The following HNRNPM variants were observed in gnomAD, a reference collection of about 807,000 sequenced individuals.
HNRNPM encodes the protein CEA receptor.
HNRNPM carries 11 observed loss-of-function variants against 73.1 expected under a neutral mutation model. That is an observed-to-expected ratio of 0.15 (90% confidence interval 0.09 to 0.25). The LOEUF (loss-of-function observed/expected upper bound fraction) is 0.25, where lower values mean the gene tolerates loss of function less well. HNRNPM is among the 10% of genes least tolerant of loss of function. HNRNPM has a pLI of 1.00. For missense variants in HNRNPM, 789 were observed against 1,067.9 expected, an observed-to-expected ratio of 0.74 and a Z score of 3.64; for synonymous variants, 407 against 355.2, an observed-to-expected ratio of 1.15 and a Z score of -1.64.
intron 5 of HNRNPM, 41 bp from the exon 6 acceptor site, chr19:8,465,283 A>T: frequency 6.6e-7 from 1 of 1,508,356 alleles, no homozygotes; most frequent in Non-Finnish European, 9.0e-7. Flanking sequence ...TTTGCGTTGT[A>T]CTGGGTCAGT....
intron 9 of HNRNPM, among the ~76,000 whole-genome samples, chr19:8,470,498 T>G (rs7507730): frequency 0.86 from 127,641 of 148,006 alleles, 57,056 homozygotes; most frequent in South Asian, 0.99. Context: ...GCTAATTTTT[T>G]TTTTTTTTTA....
intron 12 of HNRNPM, 93 bp downstream of exon 12, chr19:8,474,337 GT>G: frequency 1.4e-6 from 1 of 725,670 alleles, no homozygotes; most frequent in Non-Finnish European, 2.2e-6. Context: ...TGAATAAGTG[GT>G]TTCTCACTTC....
At chr19:8,465,194 T>C (rs1192349659) in intron 5 of HNRNPM, 130 bp from the exon 6 acceptor site, 2 of 719,952 alleles carry the variant, frequency 2.8e-6, no homozygotes, top group East Asian at 5.6e-5. Context: ...GACTTTCTTG[T>C]TAATAGATTT....
chr19:8,454,797 TCTC>T lies in HNRNPM; in HGVS notation c.114-605_114-603del, dbSNP rs376625671. Reference sequence around the variant, plus strand: ...GAAGTCTTAGAAATCATCCCTCTCTTCTCCTGTTTCTGTCTTGGAATTAACACA... The same window carrying T: ...GAAGTCTTAGAAATCATCCCTCTCTTCTGTTTCTGTCTTGGAATTAACACA... On this transcript the variant is annotated intron_variant, in intron 1 of 15. Coordinates refer to ENST00000325495, the MANE Select transcript of HNRNPM (RefSeq NM_005968.5). Among the ~76,000 whole-genome samples, 9 of 151,512 alleles carry T rather than the reference TCTC, an allele frequency of 5.9e-5. No homozygotes were observed. In the East Asian group the frequency reaches 1.6e-3, roughly 26 times the overall value.
At chr19:8,465,702 G>A (rs897150903) in intron 6 of HNRNPM, among the ~76,000 whole-genome samples, 187 bp downstream of exon 6, 2 of 152,172 alleles carry the variant, frequency 1.3e-5, no homozygotes, top group Admixed American at 1.3e-4. Context: ...AGGCTTGACC[G>A]TGGTCTCGTT....
intron 9 of HNRNPM, among the ~76,000 whole-genome samples, chr19:8,470,850 T>G (rs898632716): frequency 6.6e-6 from 1 of 152,110 alleles, no homozygotes; most frequent in Non-Finnish European, 1.5e-5. Context: ...AATACATACA[T>G]TAGCTTCATT....
intron 2 of HNRNPM, among the ~76,000 whole-genome samples, chr19:8,460,550 C>T (rs58318268): frequency 0.011 from 1,633 of 152,248 alleles, 21 homozygotes; most frequent in African/African-American, 0.037. Context: ...TAGACTGTTA[C>T]GTGGAAAAAG....
chr19:8,485,969 GCGTGGAGCGCATGGGCCCTGC>G lies in HNRNPM; in HGVS notation c.1543_1563del (p.Val515_Ala521del). On this transcript the variant is annotated inframe_deletion, in exon 14 of 16. Transcript: ENST00000325495. ...CAGACCATTGAGCGCATGGGCTCTG[GCGTGGAGCGCATGGGCCCTGC>G]CATCGAGCGCATGGGCCTGAGCATG... 1.2e-6 allele frequency: 2 copies of G among 1,606,198 alleles called. No individual in the cohort carries two copies. Among genetic ancestry groups the G allele is most frequent in the Non-Finnish European group, 1.7e-6 (2 of 1,179,276 alleles).
chr19:8,479,472 G>A (rs553334741), intron 12 of HNRNPM, among the ~76,000 whole-genome samples: 2 of 152,148 alleles, frequency 1.3e-5, no homozygotes, highest in African/African-American at 4.8e-5. Flanking sequence ...CATCAGAGGG[G>A]CAAGATTCTT....
In HNRNPM at chr19:8,462,735, G is replaced by T. The variant is rs1201269284; in HGVS notation, c.336+154G>T. The stretch of plus-strand genomic sequence containing the variant: ...CAAACATTTGAGTGGGGTGGGAGGG[G>T]ATTTGCAAATGGGAGTCCCGCTTTT... On this transcript the variant is annotated intron_variant, in intron 3 of 15. Coordinates refer to ENST00000325495, the MANE Select transcript of HNRNPM (RefSeq NM_005968.5). This position sits in a 1 kb window ranked among gnomAD's most constrained non-coding sequence, Gnocchi z 4.5. 11 of 698,498 alleles carry T rather than the reference G, an allele frequency of 1.6e-5. No individual in the cohort carries two copies. The highest frequency in any genetic ancestry group is 2.5e-5 in the Non-Finnish European group (10 of 392,326). The allele number at this position is 698,498 out of a possible 1,614,324, so 43.3% of individuals were successfully genotyped here.
intron 10 of HNRNPM, among the ~76,000 whole-genome samples, chr19:8,472,137 C>T (rs977622421): frequency 2.8e-5 from 4 of 143,698 alleles, no homozygotes; most frequent in African/African-American, 5.2e-5. Context: ...CATGACTGCA[C>T]TTCAGCCTGG....
chr19:8,485,661 C>A lies in HNRNPM; in HGVS notation c.1233C>A (p.Leu411=). ...GGATGGGTCCTGGCATTGACCGCCTCGGGGGTGCCGGCATGGAGCGCATGG... is the reference window on the plus strand; with the variant it reads ...GGATGGGTCCTGGCATTGACCGCCTAGGGGGTGCCGGCATGGAGCGCATGG... ...IERMGPGIDR[L]GGAGMERMGA... Residue 411 remains leucine, a synonymous_variant, in exon 14 of 16, where the codon CTC becomes CTA. Transcript: ENST00000325495. 6.2e-7 allele frequency: 1 copy of A among 1,607,962 alleles called. No individual in the cohort carries two copies.
At chr19:8,475,189 G>A (rs1970416592) in intron 12 of HNRNPM, among the ~76,000 whole-genome samples, 1 of 152,236 alleles carries the variant, frequency 6.6e-6, no homozygotes, top group Non-Finnish European at 1.5e-5. Context: ...GTGCCTGCAT[G>A]TGAACCCAGG....
At chr19:8,483,099 C>T in intron 12 of HNRNPM, 59 bp from the exon 13 acceptor site, 2 of 1,042,146 alleles carry the variant, frequency 1.9e-6, no homozygotes, top group South Asian at 2.6e-5. Context: ...CTGTAATGAG[C>T]ACATTTCTAT....
In HNRNPM at chr19:8,462,627, A is replaced by G; in HGVS notation, c.336+46A>G. 7.1e-7 allele frequency: 1 copy of G among 1,412,972 alleles called. No homozygotes were observed. The highest frequency in any genetic ancestry group is 1.0e-6 in the Non-Finnish European group (1 of 996,366). The allele number at this position is 1,412,972 out of a possible 1,614,324, so 87.5% of individuals were successfully genotyped here. A position where few individuals can be genotyped will look rare whatever the true frequency, so the allele number is the denominator to read the frequency against. On this transcript the variant is annotated intron_variant, in intron 3 of 15. Coordinates refer to ENST00000325495, the MANE Select transcript of HNRNPM (RefSeq NM_005968.5). The surrounding 1 kb of genome is among the most constrained non-coding windows in gnomAD (Gnocchi z 4.5). ...CTTCTGTGGATTTACTACATGAAAA[A>G]TGTAACTGTATGGTGGCGTGGAATC...
intron 9 of HNRNPM, 81 bp downstream of exon 9, chr19:8,468,915 G>T (rs1219476976): frequency 1.7e-6 from 2 of 1,157,598 alleles, no homozygotes; most frequent in Non-Finnish European, 2.6e-6. Flanking sequence ...GGTTTCACTT[G>T]AACCTGTGCC....
Position 8,445,109 on chromosome 19 carries a change from G to A in HNRNPM, c.111G>A (p.Lys37=), listed in dbSNP as rs908322753. ...GCGGCAACGGGGCTCCGGGCCCTAA[G>A]GGGTGAGTATCCCACGGTCCTTTGC... is the stretch of plus-strand genomic sequence containing the variant. The part of the protein sequence containing the change: ...VPSGNGAPGP[K]GEGERPAQNE... Residue 37 remains lysine (K), a splice_region_variant and synonymous_variant, in exon 1 of 16, where the codon AAG becomes AAA. Coordinates refer to ENST00000325495, the MANE Select transcript of HNRNPM (RefSeq NM_005968.5). 23 of 1,408,658 alleles carry A rather than the reference G, an allele frequency of 1.6e-5. No individual in the cohort carries two copies. Among genetic ancestry groups the A allele is most frequent in the Middle Eastern group, 3.7e-4 (2 of 5,410 alleles). The allele number at this position is 1,408,658 out of a possible 1,614,324, so 87.3% of individuals were successfully genotyped here.
chr19:8,470,435 C>G (rs1344829871), intron 9 of HNRNPM, among the ~76,000 whole-genome samples: 1 of 152,110 alleles, frequency 6.6e-6, no homozygotes, highest in African/African-American at 2.4e-5. Flanking sequence ...TCTAGTGATT[C>G]TCCTGTCAGC....
intron 9 of HNRNPM, among the ~76,000 whole-genome samples, chr19:8,469,670 A>G (rs1969995993): frequency 1.3e-5 from 2 of 152,266 alleles, no homozygotes; most frequent in South Asian, 2.1e-4. Context: ...ACCTCAGTGC[A>G]TACAGCGGTG....
Sources: allele counts gnomAD v4.1 joint callset (sites outside exome capture counted in the v4.1 genomes callset), GRCh38; gene constraint gnomAD v4.1.1; non-coding constraint Gnocchi (gnomAD v3.1); transcripts MANE v1.5; gene names NCBI Gene and HGNC (gene_info 2026-07-23, HGNC 2026-07-21).